The following MED27 variants were observed in gnomAD, a reference collection of about 807,000 sequenced individuals.
The protein encoded by MED27 is mediator of RNA polymerase II transcription subunit 27.
Under a neutral mutation model 38.2 loss-of-function variants are expected in MED27, and 30 were observed. That is an observed-to-expected ratio of 0.79 (90% CI 0.59 to 1.07). The LOEUF (loss-of-function observed/expected upper bound fraction) is 1.07, where lower values mean the gene tolerates loss of function less well. MED27 is among the 50% of genes least tolerant of loss of function. The pLI is 0.00. For missense variants in MED27, 289 were observed against 397.5 expected, an observed-to-expected ratio of 0.73 and a Z score of 2.32; for synonymous variants, 122 against 153.5, an observed-to-expected ratio of 0.79 and a Z score of 1.52.
At chr9:131,939,864 C>T (rs1830752848) in intron 3 of MED27, among the ~76,000 whole-genome samples, 1 of 151,504 alleles carries the variant, frequency 6.6e-6, no homozygotes, top group African/African-American at 2.4e-5. Flanking sequence ...TCCTTTGAAT[C>T]ACTGGAATAA....
intron 4 of MED27, among the ~76,000 whole-genome samples, chr9:131,908,143 C>CA (rs1554755654): frequency 1.4e-5 from 2 of 146,952 alleles, no homozygotes; most frequent in Non-Finnish European, 3.0e-5. Flanking sequence ...GTCAGCCCCC[C>CA]GCTCGGCCAG....
chr9:132,044,180 G>A (rs964584829), intron 2 of MED27, among the ~76,000 whole-genome samples: 12 of 152,208 alleles, frequency 7.9e-5, no homozygotes, highest in Middle Eastern at 3.4e-3. Flanking sequence ...TGAAGTTTGG[G>A]GGCAGACACA....
intron 2 of MED27, among the ~76,000 whole-genome samples, chr9:132,041,650 T>C (rs958472745): frequency 3.9e-5 from 6 of 152,226 alleles, no homozygotes; most frequent in Non-Finnish European, 5.9e-5. Flanking sequence ...AGTCACAGGA[T>C]GTATGGAACA....
At chr9:131,895,415 A>T (rs1829815007) in intron 4 of MED27, among the ~76,000 whole-genome samples, 2 of 152,188 alleles carry the variant, frequency 1.3e-5, no homozygotes. Context: ...ACCTGCCGTC[A>T]GTTTCTGGGG....
chr9:131,981,980 C>T (rs1457857240), intron 3 of MED27, among the ~76,000 whole-genome samples: 4 of 152,162 alleles, frequency 2.6e-5, no homozygotes, highest in Non-Finnish European at 5.9e-5. Context: ...ACGTCCAGCC[C>T]GCCATGTATA....
At chr9:131,956,683 T>A (rs542115814) in intron 3 of MED27, among the ~76,000 whole-genome samples, 2 of 151,828 alleles carry the variant, frequency 1.3e-5, no homozygotes, top group African/African-American at 2.4e-5. Flanking sequence ...GGTTAAATTA[T>A]CTGTTATGTG....
intron 4 of MED27, among the ~76,000 whole-genome samples, chr9:131,919,415 G>C (rs1159019515): frequency 6.6e-6 from 1 of 152,110 alleles, no homozygotes; most frequent in Non-Finnish European, 1.5e-5. Context: ...AAGCAAGCAT[G>C]ACATGCTGCA....
intron 2 of MED27, among the ~76,000 whole-genome samples, chr9:132,030,956 G>C (rs1832946628): frequency 6.6e-6 from 1 of 152,242 alleles, no homozygotes; most frequent in Admixed American, 6.5e-5. Context: ...GCAGAGTGAA[G>C]TATACTAAAC....
chr9:131,994,400 A>G (rs1413282461), intron 3 of MED27, among the ~76,000 whole-genome samples: 1 of 152,120 alleles, frequency 6.6e-6, no homozygotes, highest in African/African-American at 2.4e-5. Flanking sequence ...CTGCATTAAA[A>G]ACCAATATTG....
intron 4 of MED27, among the ~76,000 whole-genome samples, chr9:131,932,953 T>C (rs1401507703): frequency 6.6e-6 from 1 of 152,196 alleles, no homozygotes; most frequent in Non-Finnish European, 1.5e-5. Flanking sequence ...GATGTAAAGA[T>C]GGTTCAACAT....
At chr9:131,929,103 C>T (rs1483895473) in intron 4 of MED27, among the ~76,000 whole-genome samples, 1 of 152,222 alleles carries the variant, frequency 6.6e-6, no homozygotes, top group Non-Finnish European at 1.5e-5. Context: ...AATGATATTT[C>T]TCGACACCTT....
intron 4 of MED27, among the ~76,000 whole-genome samples, chr9:131,907,561 C>T (rs1830091038): frequency 6.6e-6 from 1 of 152,194 alleles, no homozygotes; most frequent in East Asian, 1.9e-4. Context: ...GTGATCTCGG[C>T]TGGCTACAAC....
At chr9:131,890,761 G>C (rs781643558) in intron 5 of MED27, among the ~76,000 whole-genome samples, 1 of 152,146 alleles carries the variant, frequency 6.6e-6, no homozygotes, top group African/African-American at 2.4e-5. Flanking sequence ...AGCCCTGTGT[G>C]GCTGTGGGCA....
chr9:132,062,426 A>G (rs1398212736), intron 2 of MED27, among the ~76,000 whole-genome samples: 2 of 152,238 alleles, frequency 1.3e-5, no homozygotes, highest in African/African-American at 2.4e-5. Flanking sequence ...TTCGCCATGC[A>G]TAAAGTGAGG....
At chr9:131,899,731 C>G (rs925799412) in intron 4 of MED27, among the ~76,000 whole-genome samples, 6 of 152,228 alleles carry the variant, frequency 3.9e-5, no homozygotes, top group Non-Finnish European at 7.3e-5. Context: ...GGTGTGCGCT[C>G]TCTAGCAGAC....
chr9:131,936,628 C>A (rs866609472), intron 4 of MED27, among the ~76,000 whole-genome samples: 2 of 152,302 alleles, frequency 1.3e-5, no homozygotes, highest in South Asian at 2.1e-4. Flanking sequence ...ATCATTTGGG[C>A]CATGGGGCCC....
rs180780828 is a variant in MED27, at chr9:131,861,603, G to T, written c.802-931C>A. Among the ~76,000 whole-genome samples, 29 of 152,240 alleles carry T rather than the reference G, an allele frequency of 1.9e-4. No individual in the cohort carries two copies. The highest frequency in any genetic ancestry group is 6.5e-4 in the African/African-American group (27 of 41,514). On this transcript the variant is annotated intron_variant, in intron 7 of 7. Transcript: ENST00000292035. This position sits in a 1 kb window ranked among gnomAD's most constrained non-coding sequence, Gnocchi z 4.4. ...TTGGCAATAAACACGAGGTCAAGAG[G>T]TCCTTCAGTTAAACTACTTATTTTT...
chr9:131,986,999 ATTT>A lies in MED27; in HGVS notation c.479+27335_479+27337del, dbSNP rs66519112. On this transcript the variant is annotated intron_variant, in intron 3 of 7. Coordinates refer to ENST00000292035, the MANE Select transcript of MED27 (RefSeq NM_004269.4). ...CATGGGCCTTTCCTTGAGTTCATGGATTTTTTTTTTTTTTTTTTTTTTTTTTTT... is the reference window on the plus strand; with the variant it reads ...CATGGGCCTTTCCTTGAGTTCATGGATTTTTTTTTTTTTTTTTTTTTTTTT... Among the ~76,000 whole-genome samples the A allele has an allele frequency of 5.0e-3, 233 of 46,220 alleles. 2 individuals are homozygous for A. Among genetic ancestry groups the A allele is most frequent in the African/African-American group, 0.015 (167 of 11,510 alleles). The allele number at this position is 46,220 out of a possible 152,430, so 30.3% of individuals were successfully genotyped here.
chr9:131,998,528 T>C (rs1320869244), intron 3 of MED27, among the ~76,000 whole-genome samples: 1 of 152,212 alleles, frequency 6.6e-6, no homozygotes, highest in Admixed American at 6.5e-5. Context: ...TGGGTTTTCA[T>C]GACGCTCTAA....
Sources: allele counts gnomAD v4.1 joint callset (sites outside exome capture counted in the v4.1 genomes callset), GRCh38; gene constraint gnomAD v4.1.1; non-coding constraint Gnocchi (gnomAD v3.1); transcripts MANE v1.5; gene names NCBI Gene and HGNC (gene_info 2026-07-23, HGNC 2026-07-21).